BMAL2: variants seen among roughly 807,000 people sequenced by gnomAD.
BMAL2 encodes the protein basic helix-loop-helix ARNT-like protein 2.
At chr12:27,357,855 A>G in the BMAL2 span, among the ~76,000 whole-genome samples, 1 of 152,180 alleles carries the variant, frequency 6.6e-6, no homozygotes, top group Non-Finnish European at 1.5e-5. Flanking sequence ...ATTATACAAA[A>G]TCATCTCAAG....
chr12:27,409,732 A>G, the BMAL2 span, among the ~76,000 whole-genome samples: 806 of 152,146 alleles, frequency 5.3e-3, 4 homozygotes, highest in Admixed American at 0.01. Context: ...ACAAAAGCCA[A>G]AATTGACAAA....
chr12:27,364,789 C>T, the BMAL2 span, among the ~76,000 whole-genome samples: 1 of 152,014 alleles, frequency 6.6e-6, no homozygotes, highest in Non-Finnish European at 1.5e-5. Context: ...CATATCTTTC[C>T]ATTTGTTTGG....
the BMAL2 span, chr12:27,425,185 T>C: frequency 6.6e-6 from 1 of 152,200 alleles, no homozygotes; most frequent in Non-Finnish European, 1.5e-5. Context: ...TGTATATTGG[T>C]ATTTTTAAAT....
the BMAL2 span, chr12:27,368,385 G>C: frequency 2.5e-6 from 4 of 1,613,954 alleles, no homozygotes; most frequent in Admixed American, 5.0e-5. Context: ...CCACGAAAAC[G>C]CAAAGGAAGT....
At chr12:27,413,609 A>G in the BMAL2 span, among the ~76,000 whole-genome samples, 17 of 152,248 alleles carry the variant, frequency 1.1e-4, no homozygotes, top group African/African-American at 3.9e-4. Flanking sequence ...AAGGAACTAC[A>G]AAACAGAGAA....
At chr12:27,342,902 T>A in the BMAL2 span, among the ~76,000 whole-genome samples, 1 of 152,232 alleles carries the variant, frequency 6.6e-6, no homozygotes, top group Non-Finnish European at 1.5e-5. Context: ...TGCTAGCACT[T>A]TTGGCTTATC....
At chr12:27,385,408 C>T in the BMAL2 span, 3 of 829,244 alleles carry the variant, frequency 3.6e-6, no homozygotes, top group Non-Finnish European at 6.1e-6. Flanking sequence ...GCAGCAGCAG[C>T]ATTGCTAATG....
the BMAL2 span, among the ~76,000 whole-genome samples, chr12:27,359,969 C>T: frequency 6.7e-6 from 1 of 148,312 alleles, no homozygotes; most frequent in African/African-American, 2.5e-5. Context: ...GGGAGGATGG[C>T]TTGAGCCCAG....
At chr12:27,362,998 T>C in the BMAL2 span, among the ~76,000 whole-genome samples, 4 of 152,246 alleles carry the variant, frequency 2.6e-5, no homozygotes, top group South Asian at 8.3e-4. Flanking sequence ...AGAGACAGCA[T>C]CTTGCTGTGT....
chr12:27,390,259 A>G, the BMAL2 span: 1 of 1,609,836 alleles, frequency 6.2e-7, no homozygotes, highest in Non-Finnish European at 8.5e-7. Context: ...TGAAATGTCA[A>G]GTGATGCAAA....
At chr12:27,373,894 G>C in the BMAL2 span, among the ~76,000 whole-genome samples, 1 of 152,098 alleles carries the variant, frequency 6.6e-6, no homozygotes, top group South Asian at 2.1e-4. Flanking sequence ...ATTAATATCA[G>C]AAAGCTTATT....
At chr12:27,404,710 T>C in the BMAL2 span, among the ~76,000 whole-genome samples, 7 of 152,174 alleles carry the variant, frequency 4.6e-5, no homozygotes, top group Non-Finnish European at 4.4e-5. Flanking sequence ...CATTTCCAGC[T>C]GAGGTACTGG....
chr12:27,410,925 T>G, the BMAL2 span, among the ~76,000 whole-genome samples: 1 of 152,028 alleles, frequency 6.6e-6, no homozygotes, highest in Admixed American at 6.6e-5. Flanking sequence ...CATAACTATA[T>G]CATTATAGCA....
chr12:27,338,477 A>C, the BMAL2 span, among the ~76,000 whole-genome samples: 1 of 152,174 alleles, frequency 6.6e-6, no homozygotes, highest in Non-Finnish European at 1.5e-5. Flanking sequence ...AGCCAAAAAA[A>C]AAAAAGGTTT....
chr12:27,420,367 C>T, the BMAL2 span: 2 of 1,612,866 alleles, frequency 1.2e-6, no homozygotes, highest in South Asian at 2.2e-5. Context: ...ATCACCTTTA[C>T]TTACACAGGC....
At chr12:27,333,114 C>G in the BMAL2 span, 5 of 1,204,816 alleles carry the variant, frequency 4.2e-6, no homozygotes, top group East Asian at 6.8e-5. Flanking sequence ...GTGAGGTTGC[C>G]GGTGGCGAGG....
the BMAL2 span, among the ~76,000 whole-genome samples, chr12:27,413,119 C>G: frequency 6.6e-6 from 1 of 152,072 alleles, no homozygotes; most frequent in Non-Finnish European, 1.5e-5. Context: ...ACCATGAGAT[C>G]TACCTTTCAA....
At chr12:27,370,261 CT>C in the BMAL2 span, 6 of 1,517,794 alleles carry the variant, frequency 4.0e-6, no homozygotes, top group Non-Finnish European at 5.5e-6. Flanking sequence ...GACATACTCT[CT>C]CCCCTACTTG....
At chr12:27,392,529 T>TGTGG in the BMAL2 span, among the ~76,000 whole-genome samples, 1 of 133,070 alleles carries the variant, frequency 7.5e-6, no homozygotes, top group Non-Finnish European at 1.7e-5. Context: ...ATTCCTTCTG[T>TGTGG]GTGGGTGATC....
Sources: gnomAD v4.1 joint callset for allele counts (sites outside exome capture counted in the v4.1 genomes callset) on GRCh38, gnomAD v4.1.1 for gene constraint, MANE v1.5 for transcripts, NCBI Gene and HGNC (gene_info 2026-07-23, HGNC 2026-07-21) for gene names.